The following BCKDHB variants were observed in gnomAD, a reference collection of about 807,000 sequenced individuals.
The protein encoded by BCKDHB is 2-oxoisovalerate dehydrogenase subunit beta, mitochondrial.
Under a neutral mutation model 48.5 loss-of-function variants are expected in BCKDHB, and 41 were observed. That is an observed-to-expected ratio of 0.85 (90% CI 0.66 to 1.10). The LOEUF (loss-of-function observed/expected upper bound fraction) is 1.10. Among genes scored for constraint, BCKDHB ranks in the 50% least tolerant of loss-of-function variants. BCKDHB has a pLI of 0.00. For missense variants in BCKDHB, 496 were observed against 494.2 expected (o/e 1.00, Z -0.03); for synonymous variants, 201 against 174.8 (o/e 1.15, Z -1.18).
chr6:80,346,810 T>G (rs1225174967), downstream of BCKDHB, among the ~76,000 whole-genome samples: 2 of 152,106 alleles, frequency 1.3e-5, no homozygotes, highest in Non-Finnish European at 2.9e-5. Flanking sequence ...CTTCACCACA[T>G]TTTAGACAAG....
intron 9 of BCKDHB, among the ~76,000 whole-genome samples, chr6:80,334,221 A>G (rs1212873085): frequency 2.3e-4 from 35 of 152,116 alleles, no homozygotes; most frequent in Admixed American, 2.3e-3. Flanking sequence ...TCTGAATTTT[A>G]TTTCCATTGG....
intron 9 of BCKDHB, among the ~76,000 whole-genome samples, chr6:80,334,679 A>T (rs923718229): frequency 6.6e-6 from 1 of 151,730 alleles, no homozygotes; most frequent in Non-Finnish European, 1.5e-5. Context: ...ACATTGGTAC[A>T]TCTCTTTTGG....
At chr6:80,268,731 A>G (rs936939207) in intron 8 of BCKDHB, among the ~76,000 whole-genome samples, 10 of 152,114 alleles carry the variant, frequency 6.6e-5, no homozygotes, top group African/African-American at 2.4e-4. Flanking sequence ...CTAGAATAAC[A>G]ACTTAACAGT....
At chr6:80,248,888 G>C (rs1776720177) in intron 8 of BCKDHB, among the ~76,000 whole-genome samples, 1 of 96,950 alleles carries the variant, frequency 1.0e-5, no homozygotes, top group Non-Finnish European at 2.1e-5. Context: ...TTGGAAGTTT[G>C]TGTGTGTGTG....
chr6:80,432,827 T>C, the BCKDHB span, among the ~76,000 whole-genome samples: 3 of 152,212 alleles, frequency 2.0e-5, no homozygotes, highest in African/African-American at 7.2e-5. Context: ...TATCTACCTT[T>C]CATCTTCAAT....
chr6:80,172,376 C>A (rs935755876), intron 6 of BCKDHB, among the ~76,000 whole-genome samples: 1 of 151,858 alleles, frequency 6.6e-6, no homozygotes, highest in Non-Finnish European at 1.5e-5. Flanking sequence ...TACAACTGTA[C>A]AATATTAGAA....
intron 3 of BCKDHB, among the ~76,000 whole-genome samples, chr6:80,151,496 C>T (rs1348344632): frequency 1.3e-5 from 2 of 151,286 alleles, no homozygotes; most frequent in South Asian, 2.1e-4. Context: ...CATTTGGGAC[C>T]GCCTGTATGT....
chr6:80,424,119 A>G, the BCKDHB span, among the ~76,000 whole-genome samples: 1 of 152,206 alleles, frequency 6.6e-6, no homozygotes, highest in East Asian at 1.9e-4. Flanking sequence ...AGCTAATACT[A>G]AATCCTCCCA....
chr6:80,208,297 A>C (rs6913535), intron 8 of BCKDHB, among the ~76,000 whole-genome samples: 1 of 151,828 alleles, frequency 6.6e-6, no homozygotes, highest in Non-Finnish European at 1.5e-5. Flanking sequence ...TGAAGATAGA[A>C]TATATCAAAA....
the BCKDHB span, among the ~76,000 whole-genome samples, chr6:80,407,172 G>T: frequency 2.0e-5 from 3 of 152,134 alleles, no homozygotes; most frequent in Non-Finnish European, 4.4e-5. Context: ...ATATAGATGT[G>T]TGGTGTTATT....
rs1212072967 is a variant in BCKDHB, at chr6:80,236,181, A to G, written c.951+32969A>G. ...TGTGAATTATTGCCTCTTCTCTTTA[A>G]CTTTGTGTTGCTGTGTTCCCAAAGT... On this transcript the variant is annotated intron_variant, in intron 8 of 9. Coordinates refer to ENST00000320393, the MANE Select transcript of BCKDHB (RefSeq NM_183050.4). Among the ~76,000 whole-genome samples the G allele has an allele frequency of 2.6e-5, 4 of 151,230 alleles. 1 individual carries two copies. In the South Asian group the frequency reaches 6.3e-4, roughly 24 times the overall value.
intron 8 of BCKDHB, among the ~76,000 whole-genome samples, chr6:80,241,790 G>T (rs933815204): frequency 6.6e-6 from 1 of 152,160 alleles, no homozygotes; most frequent in African/African-American, 2.4e-5. Context: ...GTCCTGTTGT[G>T]ATCAATCTGA....
At chr6:80,139,496 G>A (rs1478852208) in intron 3 of BCKDHB, among the ~76,000 whole-genome samples, 1 of 150,668 alleles carries the variant, frequency 6.6e-6, no homozygotes, top group African/African-American at 2.4e-5. Flanking sequence ...TGTAAGGAAG[G>A]GATCCAGTTT....
At chr6:80,346,720 A>G (rs766832722), downstream of BCKDHB, among the ~76,000 whole-genome samples, 3 of 152,230 alleles carry the variant, frequency 2.0e-5, no homozygotes, top group Non-Finnish European at 2.9e-5. Context: ...AGTAGCAACA[A>G]CAGATGACTC....
Position 80,344,292 on chromosome 6 carries a change from A to ACCGAGAT in BCKDHB, c.*489_*490insCGAGATC. 8.1e-5 allele frequency: 16 copies of ACCGAGAT among 196,672 alleles called. No homozygotes were observed. The highest frequency in any genetic ancestry group is 2.9e-4 in the South Asian group (3 of 10,378). The allele number at this position is 196,672 out of a possible 1,614,324, so 12.2% of individuals were successfully genotyped here. A position where few individuals can be genotyped will look rare whatever the true frequency, so the allele number is the denominator to read the frequency against. ...AGTGCTGGGATTACAGGCATGAGCC[A>ACCGAGAT]CTGCACCTGGCTATATTTACATTTA... is the stretch of plus-strand genomic sequence containing the variant. On this transcript the variant is annotated 3_prime_UTR_variant, in exon 10 of 10. Coordinates refer to ENST00000320393, the MANE Select transcript of BCKDHB (RefSeq NM_183050.4).
At chr6:80,139,263 C>G (rs1771060407) in intron 3 of BCKDHB, among the ~76,000 whole-genome samples, 1 of 151,968 alleles carries the variant, frequency 6.6e-6, no homozygotes, top group South Asian at 2.1e-4. Flanking sequence ...TGCCTGTTCA[C>G]TCTGATGGTA....
chr6:80,140,428 T>C (rs570820437), intron 3 of BCKDHB, among the ~76,000 whole-genome samples: 19 of 152,246 alleles, frequency 1.2e-4, no homozygotes, highest in African/African-American at 4.3e-4. Context: ...CAGTATGATA[T>C]TGGCTGTGGG....
At chr6:80,384,050 T>TAGA in the BCKDHB span, among the ~76,000 whole-genome samples, 138,923 of 152,026 alleles carry the variant, frequency 0.91, 64,782 homozygotes, top group East Asian at 1. Flanking sequence ...GAAGTTAACA[T>TAGA]AGGAGTGATG....
the BCKDHB span, among the ~76,000 whole-genome samples, chr6:80,443,867 A>G: frequency 1.4e-4 from 22 of 152,168 alleles, no homozygotes; most frequent in Admixed American, 8.5e-4. Context: ...AGATAGTTGT[A>G]TAAGATCCCA....
Sources: gnomAD v4.1 joint callset for allele counts (sites outside exome capture counted in the v4.1 genomes callset) on GRCh38, gnomAD v4.1.1 for gene constraint, MANE v1.5 for transcripts, NCBI Gene and HGNC (gene_info 2026-07-23, HGNC 2026-07-21) for gene names.